The following CTNNA3 variants were observed in gnomAD, a reference collection of about 807,000 sequenced individuals.
The protein encoded by CTNNA3 is catenin alpha-3.
CTNNA3 carries 76 observed loss-of-function variants against 95.7 expected under a neutral mutation model. The ratio of observed to expected loss-of-function variants is 0.79; its 90% CI spans 0.66 to 0.96. The LOEUF (loss-of-function observed/expected upper bound fraction) is 0.96. CTNNA3 is among the 40% of genes least tolerant of loss of function. The probability of loss-of-function intolerance (pLI) is 0.00; values close to 1 mark genes in which losing one functional copy is unlikely to be tolerated. For missense variants in CTNNA3, 1,191 were observed against 1,089.8 expected, an observed-to-expected ratio of 1.09 and a Z score of -1.31; for synonymous variants, 431 against 374.4, an observed-to-expected ratio of 1.15 and a Z score of -1.74.
intron 7 of CTNNA3, among the ~76,000 whole-genome samples, chr10:66,910,487 T>C (rs777099116): frequency 6.6e-6 from 1 of 152,190 alleles, no homozygotes; most frequent in Non-Finnish European, 1.5e-5. Context: ...ATAAGCCAGA[T>C]AGCAACCTAT....
chr10:67,210,511 A>G (rs942483744), intron 6 of CTNNA3, among the ~76,000 whole-genome samples: 1 of 152,148 alleles, frequency 6.6e-6, no homozygotes, highest in African/African-American at 2.4e-5. Context: ...TGATGCTTTG[A>G]TATATGTATG....
At chr10:66,786,553 G>C (rs1282666791) in intron 7 of CTNNA3, among the ~76,000 whole-genome samples, 1 of 152,158 alleles carries the variant, frequency 6.6e-6, no homozygotes, top group East Asian at 1.9e-4. Flanking sequence ...AGAGGGACTG[G>C]CACAAAAGAC....
chr10:66,044,422 AT>A lies in CTNNA3; in HGVS notation c.2159+24885del, dbSNP rs71035108. Among the ~76,000 whole-genome samples the A allele has an allele frequency of 2.2e-3, 327 of 147,162 alleles. 2 individuals are homozygous for A. The highest frequency in any genetic ancestry group is 8.3e-3 in the East Asian group (42 of 5,038). ...CACCCTTTAATGTTTGTTTATCTTGATTTTTTTTTTTTTAGAAATTTCTTCT... is the reference window on the plus strand; with the variant it reads ...CACCCTTTAATGTTTGTTTATCTTGATTTTTTTTTTTTAGAAATTTCTTCT... On this transcript the variant is annotated intron_variant, in intron 15 of 17. Coordinates refer to ENST00000433211, the MANE Select transcript of CTNNA3 (RefSeq NM_013266.4).
At chr10:67,360,728 G>A (rs1289705792) in intron 5 of CTNNA3, among the ~76,000 whole-genome samples, 7 of 152,074 alleles carry the variant, frequency 4.6e-5, no homozygotes, top group African/African-American at 2.4e-5. Context: ...CAGAGAGGGG[G>A]AGGTGCTACA....
intron 5 of CTNNA3, among the ~76,000 whole-genome samples, chr10:67,473,861 T>C (rs1252044447): frequency 6.6e-6 from 1 of 152,184 alleles, no homozygotes; most frequent in Non-Finnish European, 1.5e-5. Flanking sequence ...AATTAAATAA[T>C]TCAAATTTAA....
intron 13 of CTNNA3, among the ~76,000 whole-genome samples, chr10:66,171,567 T>TA (rs2085433683): frequency 6.6e-6 from 1 of 151,400 alleles, no homozygotes; most frequent in South Asian, 2.1e-4. Flanking sequence ...AAATTTAATA[T>TA]AAAAAATGAC....
intron 15 of CTNNA3, among the ~76,000 whole-genome samples, chr10:66,012,200 A>G (rs2079017570): frequency 6.6e-6 from 1 of 152,228 alleles, no homozygotes. Context: ...AAAGTTAAAA[A>G]AACAAATGAA....
chr10:66,041,704 C>T (rs61858379), intron 15 of CTNNA3, among the ~76,000 whole-genome samples: 23,029 of 151,724 alleles, frequency 0.15, 2,229 homozygotes, highest in Admixed American at 0.24. Context: ...CCCACATCAA[C>T]TAGCATTTGC....
chr10:66,902,386 T>A (rs1300865145), intron 7 of CTNNA3, among the ~76,000 whole-genome samples: 2 of 152,286 alleles, frequency 1.3e-5, no homozygotes, highest in Non-Finnish European at 2.9e-5. Flanking sequence ...AAGCAGTATG[T>A]AGATGGAAAT....
chr10:65,956,589 C>G (rs914185996), intron 17 of CTNNA3, among the ~76,000 whole-genome samples: 1 of 152,148 alleles, frequency 6.6e-6, no homozygotes, highest in Non-Finnish European at 1.5e-5. Context: ...TATGTTGTGT[C>G]TTTGTTCTCA....
rs182921160 is a variant in CTNNA3 at position 66,151,712 on chromosome 10, A to G, written c.1885-48463T>C. 4.6e-5 allele frequency among the ~76,000 whole-genome samples: 7 copies of G among 152,074 alleles called. No individual in the cohort carries two copies. In the East Asian group the frequency reaches 1.4e-3, roughly 29 times the overall value. On this transcript the variant is annotated intron_variant, in intron 13 of 17. Coordinates refer to ENST00000433211, the MANE Select transcript of CTNNA3 (RefSeq NM_013266.4). ...AACGACAAGCTCATCCCTAAGGATGATATCATGCACCTTCCTAATAACTTT... is the reference window on the plus strand; with the variant it reads ...AACGACAAGCTCATCCCTAAGGATGGTATCATGCACCTTCCTAATAACTTT...
chr10:66,856,384 T>A (rs535469371), intron 7 of CTNNA3, among the ~76,000 whole-genome samples: 1 of 152,170 alleles, frequency 6.6e-6, no homozygotes, highest in South Asian at 2.1e-4. Context: ...TGTGTGCATG[T>A]GTCTTTATGG....
intron 1 of CTNNA3, among the ~76,000 whole-genome samples, chr10:67,689,227 T>C (rs1840794692): frequency 6.6e-6 from 1 of 152,090 alleles, no homozygotes; most frequent in South Asian, 2.1e-4. Flanking sequence ...TGTCCTCACT[T>C]ATATGAATAG....
chr10:67,486,536 A>G lies in CTNNA3; in HGVS notation c.579+35306T>C, dbSNP rs112228546. On this transcript the variant is annotated intron_variant, in intron 5 of 17. Coordinates refer to ENST00000433211, the MANE Select transcript of CTNNA3 (RefSeq NM_013266.4). ...TTCTGCTTCCCTACCATACTTTGGT[A>G]GGTCCCCAAGTTTAACCTCTATGTG... Among the ~76,000 whole-genome samples, 307 of 152,238 alleles carry G rather than the reference A, an allele frequency of 2.0e-3. 3 individuals carry two copies. The highest frequency in any genetic ancestry group is 7.1e-3 in the African/African-American group (293 of 41,552).
At chr10:66,402,419 C>T (rs559007515) in intron 11 of CTNNA3, among the ~76,000 whole-genome samples, 3 of 152,198 alleles carry the variant, frequency 2.0e-5, no homozygotes, top group African/African-American at 4.8e-5. Flanking sequence ...ATACAATAAG[C>T]GTTCAATAAA....
intron 7 of CTNNA3, chr10:66,928,323 A>G: frequency 6.2e-7 from 1 of 1,614,172 alleles, no homozygotes; most frequent in Non-Finnish European, 8.5e-7. Flanking sequence ...GACAGTCCCT[A>G]AAGCAAATGA....
intron 11 of CTNNA3, among the ~76,000 whole-genome samples, chr10:66,405,254 G>C (rs2093048228): frequency 2.6e-5 from 4 of 152,070 alleles, no homozygotes; most frequent in Admixed American, 2.0e-4. Context: ...GTTTTTGATA[G>C]ACTGCTTGAC....
At chr10:66,389,724 G>GGAGAGAGAGAGAGAGA (rs3980751) in intron 11 of CTNNA3, among the ~76,000 whole-genome samples, 15 of 145,414 alleles carry the variant, frequency 1.0e-4, no homozygotes, top group Non-Finnish European at 1.8e-4. Flanking sequence ...ATATATATAT[G>GGAGAGAGAGAGAGAGA]GAGAGAGAGA....
At chr10:66,402,117 T>C (rs2132562711) in intron 11 of CTNNA3, among the ~76,000 whole-genome samples, 1 of 152,306 alleles carries the variant, frequency 6.6e-6, no homozygotes, top group African/African-American at 2.4e-5. Context: ...AATTCATTTG[T>C]TCAATATAAT....
Sources: allele counts gnomAD v4.1 joint callset (sites outside exome capture counted in the v4.1 genomes callset), GRCh38; gene constraint gnomAD v4.1.1; transcripts MANE v1.5; gene names NCBI Gene and HGNC (gene_info 2026-07-23, HGNC 2026-07-21).